The following ZC3H3 variants were observed in gnomAD, a reference collection of about 807,000 sequenced individuals.
ZC3H3 encodes zinc finger CCCH domain-containing protein 3.
A neutral mutation model predicts 77.3 loss-of-function variants in ZC3H3; 36 were observed. The observed-to-expected ratio is 0.47, with a 90% CI of 0.36 to 0.61. The LOEUF (loss-of-function observed/expected upper bound fraction) is 0.61, where lower values mean the gene tolerates loss of function less well. Ranked by LOEUF, ZC3H3 falls within the 20% of genes least tolerant of loss-of-function variation. The pLI, the probability that ZC3H3 is intolerant of heterozygous loss-of-function variation, is 0.00. For missense variants in ZC3H3, 1,331 were observed against 1,312.2 expected (o/e 1.01, Z -0.22); for synonymous variants, 626 against 555.2 (o/e 1.13, Z -1.79).
rs1212794436 is a variant in ZC3H3, at chr8:143,530,439, C to A, written c.1561+5818G>T. On this transcript the variant is annotated intron_variant, in intron 3 of 11. Coordinates refer to ENST00000262577, the MANE Select transcript of ZC3H3 (RefSeq NM_015117.3). The surrounding 1 kb of genome is among the most constrained non-coding windows in gnomAD (Gnocchi z 4.3). Reference sequence around the variant, plus strand: ...CCCACCTACCATGACTTTTCCCTGGCGTAAAATAGCAGACGTTTCCATGTG... The same window carrying A: ...CCCACCTACCATGACTTTTCCCTGGAGTAAAATAGCAGACGTTTCCATGTG... Among the ~76,000 whole-genome samples the A allele has an allele frequency of 1.3e-5, 2 of 152,152 alleles. No individual in the cohort carries two copies. Among genetic ancestry groups the A allele is most frequent in the African/African-American group, 2.4e-5 (1 of 41,442 alleles).
intron 3 of ZC3H3, among the ~76,000 whole-genome samples, chr8:143,521,318 A>C (rs1055607656): frequency 2.6e-5 from 4 of 151,952 alleles, no homozygotes; most frequent in African/African-American, 9.7e-5. Context: ...GGAGCCTCGA[A>C]AGTCTGAAGG....
chr8:143,516,101 C>T (rs1043691118), intron 3 of ZC3H3, among the ~76,000 whole-genome samples: 7 of 152,236 alleles, frequency 4.6e-5, no homozygotes, highest in African/African-American at 1.7e-4. Context: ...CTAAATGAGC[C>T]GCAATGGCAA....
At chr8:143,467,254 G>C (rs536988901) in intron 8 of ZC3H3, among the ~76,000 whole-genome samples, 7 of 152,140 alleles carry the variant, frequency 4.6e-5, no homozygotes, top group Admixed American at 1.3e-4. Context: ...CTGTCAGAGC[G>C]GGGCTGTTAT....
intron 9 of ZC3H3, among the ~76,000 whole-genome samples, chr8:143,458,149 A>G (rs546598946): frequency 6.6e-6 from 1 of 152,392 alleles, no homozygotes; most frequent in African/African-American, 2.4e-5. Context: ...AATTTCCAGT[A>G]TCACTGCAGA....
chr8:143,503,673 C>A (rs1484562969), intron 4 of ZC3H3, among the ~76,000 whole-genome samples: 2 of 146,976 alleles, frequency 1.4e-5, no homozygotes, highest in Non-Finnish European at 3.0e-5. Context: ...CCTCCAGCAC[C>A]CAACTGTCTC....
chr8:143,501,740 C>T (rs1220745473), intron 4 of ZC3H3, among the ~76,000 whole-genome samples: 2 of 146,896 alleles, frequency 1.4e-5, no homozygotes, highest in Non-Finnish European at 3.0e-5. Context: ...GCTGGTGTGA[C>T]GTTGGGATCC....
At chr8:143,506,482 A>G (rs1364657391) in intron 4 of ZC3H3, among the ~76,000 whole-genome samples, 1 of 152,224 alleles carries the variant, frequency 6.6e-6, no homozygotes, top group African/African-American at 2.4e-5. Flanking sequence ...AGAAGAACGG[A>G]AGAAAATTAG....
chr8:143,483,557 ACAGAG>A (rs1273822019), intron 4 of ZC3H3, among the ~76,000 whole-genome samples: 4 of 152,168 alleles, frequency 2.6e-5, no homozygotes, highest in African/African-American at 9.7e-5. Context: ...CTCAGGCCAG[ACAGAG>A]CAGAGGCGTG....
chr8:143,507,781 C>T lies in ZC3H3; in HGVS notation c.1680G>A (p.Leu560=). ...AGAGCCGCCGGGCCCGCCAGGAGGG[C>T]AGAGACAGGGGGAAGGGCGGGGCGC... ...PLSAPPFPLS[L]PSWRARRLSL... is the part of the protein sequence containing the mutation. The change falls in exon 4 of 12, where the codon CTG becomes CTA. Residue 560 remains leucine (L), a synonymous_variant. Coordinates refer to ENST00000262577, the MANE Select transcript of ZC3H3 (RefSeq NM_015117.3). The T allele has an allele frequency of 6.3e-7, 1 of 1,599,070 alleles. No individual in the cohort carries two copies. The highest frequency in any genetic ancestry group is 8.5e-7 in the Non-Finnish European group (1 of 1,174,630).
chr8:143,512,354 C>T (rs1013586042), intron 3 of ZC3H3, among the ~76,000 whole-genome samples: 2 of 152,266 alleles, frequency 1.3e-5, no homozygotes, highest in Admixed American at 1.3e-4. Flanking sequence ...TCCACACTGC[C>T]TATGTCCTTC....
chr8:143,514,659 C>T (rs1465523848), intron 3 of ZC3H3, among the ~76,000 whole-genome samples: 5 of 152,204 alleles, frequency 3.3e-5, no homozygotes, highest in Admixed American at 6.5e-5. Context: ...CTCAGGCCCT[C>T]GAGTTTCACG....
In ZC3H3 at chr8:143,440,304, G is replaced by A. The variant is rs141703643; in HGVS notation, c.2552C>T (p.Ala851Val). ...RQTPSSAALT[A>V]AAVAAPPHCP... ...GTGGGGAGGTGCAGCCACGGCAGCC[G>A]CAGTGAGGGCAGCCGAGCTGGGCGT... The change falls in exon 11 of 12, where the codon GCG (alanine) becomes GTG (valine). Residue 851 changes from alanine (A) to valine (V), a missense_variant. Around this residue, in one of 3 missense-constraint regions of ZC3H3, gnomAD observed 249 missense variants for 236.9 expected, o/e 1.05. Transcript: ENST00000262577. 60 of 1,561,102 alleles carry A rather than the reference G, an allele frequency of 3.8e-5. No individual in the cohort carries two copies. In the Admixed American group the frequency reaches 4.1e-4, roughly 11 times the overall value.
chr8:143,537,571 C>A (rs1822843007), intron 2 of ZC3H3, among the ~76,000 whole-genome samples: 1 of 152,224 alleles, frequency 6.6e-6, no homozygotes, highest in African/African-American at 2.4e-5. Context: ...GACCCGTGGC[C>A]GGCAGGTCCA....
intron 9 of ZC3H3, among the ~76,000 whole-genome samples, chr8:143,449,794 T>C (rs1158678571): frequency 6.6e-6 from 1 of 152,166 alleles, no homozygotes; most frequent in Non-Finnish European, 1.5e-5. Context: ...GCCTAAATCA[T>C]CATTCTCCAG....
At chr8:143,507,364 G>T (rs1821734274) in intron 4 of ZC3H3, among the ~76,000 whole-genome samples, 1 of 152,370 alleles carries the variant, frequency 6.6e-6, no homozygotes, top group South Asian at 2.1e-4. Context: ...TGAAGGCCCA[G>T]CCTCTCCCAC....
At chr8:143,523,286 CAA>C (rs1216211889) in intron 3 of ZC3H3, 1 of 983,798 alleles carries the variant, frequency 1.0e-6, no homozygotes, top group Non-Finnish European at 1.2e-6. Flanking sequence ...GGGGCTATAG[CAA>C]AGACAGACGC....
intron 3 of ZC3H3, among the ~76,000 whole-genome samples, chr8:143,516,568 TAC>T (rs1210430916): frequency 1.8e-4 from 9 of 49,532 alleles, no homozygotes; most frequent in Non-Finnish European, 3.0e-4. Context: ...CACACACACA[TAC>T]ACACACACAC....
chr8:143,467,044 GGTGATTTAAC>G (rs779531665), intron 8 of ZC3H3, among the ~76,000 whole-genome samples: 133 of 152,320 alleles, frequency 8.7e-4, no homozygotes, highest in Non-Finnish European at 1.6e-3. Flanking sequence ...AGAAACAAAG[GGTGATTTAAC>G]GAGCGGGAGT....
At chr8:143,441,429 C>G (rs1206639161) in intron 9 of ZC3H3, among the ~76,000 whole-genome samples, 1 of 152,200 alleles carries the variant, frequency 6.6e-6, no homozygotes, top group Non-Finnish European at 1.5e-5. Context: ...GCTCAGGGCT[C>G]TGCCCACCCG....
Sources: allele counts gnomAD v4.1 joint callset (sites outside exome capture counted in the v4.1 genomes callset), GRCh38; gene constraint gnomAD v4.1.1; regional missense constraint gnomAD v4.1.1; non-coding constraint Gnocchi (gnomAD v3.1); transcripts MANE v1.5; gene names NCBI Gene and HGNC (gene_info 2026-07-23, HGNC 2026-07-21).